ZMAT4: variants seen among roughly 807,000 people sequenced by gnomAD.
The protein encoded by ZMAT4 is zinc finger matrin-type 4.
ZMAT4 carries 17 observed loss-of-function variants against 28.7 expected under a neutral mutation model. That is an observed-to-expected ratio of 0.59 (90% CI 0.41 to 0.89). The LOEUF is 0.89. Among genes scored for constraint, ZMAT4 ranks in the 40% least tolerant of loss-of-function variants. The probability of loss-of-function intolerance (pLI) is 0.00; values close to 1 mark genes in which losing one functional copy is unlikely to be tolerated. For synonymous variants in ZMAT4, 117 were observed against 109.2 expected (o/e 1.07, Z -0.44); for missense variants, 240 against 283.8 (o/e 0.85, Z 1.11).
chr8:40,713,626 A>G (rs1810717423), intron 3 of ZMAT4, among the ~76,000 whole-genome samples: 1 of 152,154 alleles, frequency 6.6e-6, no homozygotes, highest in Non-Finnish European at 1.5e-5. Context: ...ATACATATCC[A>G]GGCCAGGCGC....
chr8:40,687,319 G>A (rs1809452980), intron 4 of ZMAT4, among the ~76,000 whole-genome samples: 1 of 152,076 alleles, frequency 6.6e-6, no homozygotes, highest in Non-Finnish European at 1.5e-5. Context: ...AGAAGAGAGG[G>A]AGCTTAAGGG....
At chr8:40,708,902 G>A (rs2150505754) in intron 3 of ZMAT4, among the ~76,000 whole-genome samples, 1 of 151,804 alleles carries the variant, frequency 6.6e-6, no homozygotes. Flanking sequence ...ACCCACCTCG[G>A]CCTCCCAAAG....
intron 3 of ZMAT4, among the ~76,000 whole-genome samples, chr8:40,730,977 G>A (rs1811511257): frequency 6.6e-6 from 1 of 152,140 alleles, no homozygotes; most frequent in Non-Finnish European, 1.5e-5. Context: ...CAGCCCCATA[G>A]CAGGATACTG....
chr8:40,624,827 G>GCCAGGCACTGAT (rs1806313894), intron 5 of ZMAT4, among the ~76,000 whole-genome samples: 1 of 152,156 alleles, frequency 6.6e-6, no homozygotes, highest in African/African-American at 2.4e-5. Context: ...ACTTCCCACA[G>GCCAGGCACTGAT]CCAGGCACTG....
intron 5 of ZMAT4, among the ~76,000 whole-genome samples, chr8:40,584,259 C>T (rs562147567): frequency 2.7e-4 from 41 of 152,234 alleles, no homozygotes; most frequent in African/African-American, 7.7e-4. Context: ...AGTCTTCCAC[C>T]TGTGTCCCTC....
At chr8:40,800,653 C>T (rs1401477064) in intron 2 of ZMAT4, among the ~76,000 whole-genome samples, 3 of 95,236 alleles carry the variant, frequency 3.2e-5, no homozygotes, top group Non-Finnish European at 4.7e-5. Flanking sequence ...TTCTGAATAA[C>T]ACATGGGTCA....
intron 1 of ZMAT4, among the ~76,000 whole-genome samples, chr8:40,827,041 T>C (rs10448056): frequency 0.73 from 110,571 of 152,072 alleles, 40,483 homozygotes; most frequent in East Asian, 0.84. Context: ...TTATCTTATT[T>C]CACCACCATC....
At chr8:40,749,836 C>CT (rs1178643607) in intron 3 of ZMAT4, among the ~76,000 whole-genome samples, 2 of 152,232 alleles carry the variant, frequency 1.3e-5, no homozygotes, top group Non-Finnish European at 2.9e-5. Context: ...CTTATCTCTA[C>CT]TTCCACTGCC....
intron 6 of ZMAT4, among the ~76,000 whole-genome samples, chr8:40,570,623 C>G (rs1427964189): frequency 2.6e-5 from 4 of 152,104 alleles, no homozygotes; most frequent in African/African-American, 9.7e-5. Context: ...TCATTTAAGT[C>G]CAGGAAGTGG....
At chr8:40,828,004 C>T (rs1816135876) in intron 1 of ZMAT4, among the ~76,000 whole-genome samples, 1 of 152,158 alleles carries the variant, frequency 6.6e-6, no homozygotes, top group South Asian at 2.1e-4. Flanking sequence ...CAAGTCCTAC[C>T]CAGCCTCATC....
At chr8:40,610,937 AT>A (rs56980207) in intron 5 of ZMAT4, among the ~76,000 whole-genome samples, 47 of 146,522 alleles carry the variant, frequency 3.2e-4, no homozygotes, top group African/African-American at 1.0e-3. Flanking sequence ...GCCCTTTTGC[AT>A]TTTTTTTTTT....
In ZMAT4 at chr8:40,538,688, A is replaced by T. The variant is rs551440820; in HGVS notation, c.675-6450T>A. Among the ~76,000 whole-genome samples the T allele has an allele frequency of 9.4e-4, 143 of 151,976 alleles. 1 individual carries two copies. The highest frequency in any genetic ancestry group is 3.3e-3 in the African/African-American group (135 of 41,466). The stretch of plus-strand genomic sequence containing the variant: ...TTTGTTTCCAACCCCTAGCTCCTGC[A>T]TTCTCTCCCCTAATCTTTCCTGACT... On this transcript the variant is annotated intron_variant, in intron 6 of 6. Transcript: ENST00000297737.
intron 2 of ZMAT4, 29 bp from the exon 3 acceptor site, chr8:40,767,759 G>A (rs1215915153): frequency 6.3e-7 from 1 of 1,582,168 alleles, no homozygotes; most frequent in African/African-American, 1.4e-5. Flanking sequence ...AGCAGATACT[G>A]TAAAAGATAA....
At chr8:40,847,214 C>A (rs113545872) in intron 1 of ZMAT4, among the ~76,000 whole-genome samples, 78 of 99,552 alleles carry the variant, frequency 7.8e-4, no homozygotes, top group Admixed American at 1.1e-3. Flanking sequence ...AAAAAACAAA[C>A]AAACAAAAAA....
rs1006741089 is a variant in ZMAT4 at position 40,536,381 on chromosome 8, C to T, written c.675-4143G>A. On this transcript the variant is annotated intron_variant, in intron 6 of 6. Transcript: ENST00000297737. Reference sequence around the variant, plus strand: ...ACTAGTTTTCTATCTGGGATGTTTGCAGTCAGCTCTGCAGCCTCATCACAC... The same window carrying T: ...ACTAGTTTTCTATCTGGGATGTTTGTAGTCAGCTCTGCAGCCTCATCACAC... Among the ~76,000 whole-genome samples the T allele has an allele frequency of 1.2e-4, 19 of 152,320 alleles. 1 individual carries two copies. The highest frequency in any genetic ancestry group is 7.2e-4 in the Admixed American group (11 of 15,306).
chr8:40,701,938 T>A (rs930459216), intron 3 of ZMAT4, among the ~76,000 whole-genome samples: 2 of 152,178 alleles, frequency 1.3e-5, no homozygotes, highest in Non-Finnish European at 2.9e-5. Flanking sequence ...TAATCCCCAA[T>A]GCAACAGTGT....
intron 6 of ZMAT4, among the ~76,000 whole-genome samples, chr8:40,571,914 G>C (rs1005339436): frequency 6.6e-6 from 1 of 151,942 alleles, no homozygotes; most frequent in Non-Finnish European, 1.5e-5. Context: ...GCACAATATC[G>C]AAGTCTCAGG....
intron 4 of ZMAT4, among the ~76,000 whole-genome samples, chr8:40,681,948 A>G (rs1461141152): frequency 6.6e-6 from 1 of 152,146 alleles, no homozygotes; most frequent in African/African-American, 2.4e-5. Context: ...CAGGATGTAA[A>G]CTAAAAGATG....
At chr8:40,564,398 T>C (rs927675782) in intron 6 of ZMAT4, among the ~76,000 whole-genome samples, 5 of 152,134 alleles carry the variant, frequency 3.3e-5, no homozygotes, top group South Asian at 2.1e-4. Flanking sequence ...CTTTCTGCCT[T>C]CTCTCCCCCT....
Sources: allele counts gnomAD v4.1 joint callset (sites outside exome capture counted in the v4.1 genomes callset), GRCh38; gene constraint gnomAD v4.1.1; transcripts MANE v1.5; gene names NCBI Gene and HGNC (gene_info 2026-07-23, HGNC 2026-07-21).